The following GNAL variants were observed in gnomAD, a reference collection of about 807,000 sequenced individuals.
The protein encoded by GNAL is G protein subunit alpha L, also known as guanine nucleotide-binding protein G(olf) subunit alpha.
In GNAL, 18 loss-of-function variants were observed where a neutral mutation model predicts 55.1. The observed-to-expected ratio is 0.33, with a 90% CI of 0.23 to 0.48. The LOEUF is 0.48. GNAL is among the 20% of genes least tolerant of loss of function. The probability of loss-of-function intolerance (pLI) is 0.99; values close to 1 mark genes in which losing one functional copy is unlikely to be tolerated. For synonymous variants in GNAL, 253 were observed against 237.0 expected (o/e 1.07, Z -0.62); for missense variants, 412 against 614.1 (o/e 0.67, Z 3.48).
intron 5 of GNAL, chr18:11,857,335 T>C: frequency 4.5e-6 from 1 of 222,892 alleles, no homozygotes; most frequent in Non-Finnish European, 7.6e-6. Context: ...CCAGCAGGGT[T>C]TAATCTCAGG....
intron 1 of GNAL, among the ~76,000 whole-genome samples, chr18:11,697,634 C>T (rs2031452632): frequency 1.3e-5 from 2 of 151,820 alleles, no homozygotes; most frequent in African/African-American, 2.4e-5. Context: ...AAGGGGCAGA[C>T]GTGTCTGTGG....
In GNAL at chr18:11,868,666, G is replaced by A. The variant is rs767237972; in HGVS notation, c.1031+3G>A. 2 of 1,598,452 alleles carry A rather than the reference G, an allele frequency of 1.3e-6. No individual in the cohort carries two copies. The highest frequency in any genetic ancestry group is 1.4e-5 in the African/African-American group (1 of 73,774). ...TTTGAAAGCATCTGGAACAACAGGT[G>A]ACAAAAATAGCAAATTCAGTCTTAC... is the stretch of plus-strand genomic sequence containing the variant. On this transcript the variant is annotated splice_donor_region_variant and intron_variant, in intron 9 of 11. Coordinates refer to ENST00000334049, the MANE Select transcript of GNAL (RefSeq NM_182978.4). This position sits in a 1 kb window ranked among gnomAD's most constrained non-coding sequence, Gnocchi z 4.0.
intron 1 of GNAL, among the ~76,000 whole-genome samples, chr18:11,725,444 T>G (rs1227868335): frequency 6.6e-6 from 1 of 152,200 alleles, no homozygotes; most frequent in Non-Finnish European, 1.5e-5. Flanking sequence ...AGAAAATAAA[T>G]TTCTGTTGTT....
At position 11,752,700 on chromosome 18, in the gene GNAL, C is replaced by G. The variant is rs2032895361; in HGVS notation, c.377-153C>G. The G allele has an allele frequency of 8.2e-7, 1 of 1,225,810 alleles. No homozygotes were observed. Among genetic ancestry groups the G allele is most frequent in the African/African-American group, 1.6e-5 (1 of 64,402 alleles). The allele number at this position is 1,225,810 out of a possible 1,614,324, so 75.9% of individuals were successfully genotyped here. A position where few individuals can be genotyped will look rare whatever the true frequency, so the allele number is the denominator to read the frequency against. ...CGCGCGCACCTCTGGGCCGCGGAGC[C>G]CAGACGGCGGCCGGGGCGAGCTCCT... is the stretch of plus-strand genomic sequence containing the variant. On this transcript the variant is annotated intron_variant, in intron 1 of 11. Transcript: ENST00000334049. This position sits in a 1 kb window ranked among gnomAD's most constrained non-coding sequence, Gnocchi z 4.5.
chr18:11,776,908 G>T (rs1014841675), intron 4 of GNAL, among the ~76,000 whole-genome samples: 1 of 151,934 alleles, frequency 6.6e-6, no homozygotes, highest in Non-Finnish European at 1.5e-5. Flanking sequence ...ATAGTCATTT[G>T]TGCTTTCCAA....
chr18:11,853,646 G>A (rs1362188955), intron 5 of GNAL: 2 of 166,980 alleles, frequency 1.2e-5, no homozygotes, highest in Non-Finnish European at 2.9e-5. Context: ...TAACAGGTGC[G>A]TGCAGATGAG....
intron 4 of GNAL, among the ~76,000 whole-genome samples, chr18:11,772,668 A>ATGG (rs1462081423): frequency 3.3e-5 from 5 of 152,162 alleles, no homozygotes; most frequent in Non-Finnish European, 5.9e-5. Flanking sequence ...AGATGTGCTG[A>ATGG]CCTGGAGGCA....
intron 4 of GNAL, among the ~76,000 whole-genome samples, chr18:11,808,523 T>A (rs1318240050): frequency 6.6e-6 from 1 of 152,214 alleles, no homozygotes; most frequent in Admixed American, 6.5e-5. Flanking sequence ...GTAGAGTTTT[T>A]AATGAAGTTA....
intron 4 of GNAL, among the ~76,000 whole-genome samples, chr18:11,803,612 G>A (rs2034575068): frequency 6.6e-6 from 1 of 152,352 alleles, no homozygotes; most frequent in Non-Finnish European, 1.5e-5. Flanking sequence ...TAGTGGTGAA[G>A]TGCAGGTGCA....
intron 4 of GNAL, among the ~76,000 whole-genome samples, chr18:11,782,774 A>G (rs1350055017): frequency 6.6e-6 from 1 of 152,220 alleles, no homozygotes; most frequent in Non-Finnish European, 1.5e-5. Context: ...CATTAAAAAG[A>G]AAATTCGTTT....
intron 1 of GNAL, chr18:11,747,437 G>C (rs2032712794): frequency 5.9e-6 from 1 of 168,840 alleles, no homozygotes; most frequent in Non-Finnish European, 1.3e-5. Context: ...AAAGAAGTCT[G>C]TTCATGCCCT....
chr18:11,726,925 A>G (rs9961045), intron 1 of GNAL, among the ~76,000 whole-genome samples: 3,276 of 152,238 alleles, frequency 0.022, 61 homozygotes, highest in Middle Eastern at 0.048. Context: ...GGTTGTAAGG[A>G]AAAGTAGTCT....
chr18:11,817,720 C>T (rs1367738566), intron 4 of GNAL, among the ~76,000 whole-genome samples: 1 of 151,640 alleles, frequency 6.6e-6, no homozygotes, highest in Non-Finnish European at 1.5e-5. Flanking sequence ...TCTTGAGTAG[C>T]TGGGATTGCA....
At chr18:11,713,160 G>A (rs1327720164) in intron 1 of GNAL, among the ~76,000 whole-genome samples, 1 of 152,260 alleles carries the variant, frequency 6.6e-6, no homozygotes, top group Non-Finnish European at 1.5e-5. Flanking sequence ...GAAAACAAAT[G>A]AAGGCCACCC....
intron 1 of GNAL, among the ~76,000 whole-genome samples, chr18:11,692,757 A>T (rs1170173875): frequency 6.6e-6 from 1 of 152,058 alleles, no homozygotes; most frequent in African/African-American, 2.4e-5. Context: ...TCTCTACAAA[A>T]AAATACGAAA....
At chr18:11,790,946 C>T (rs1230161364) in intron 4 of GNAL, among the ~76,000 whole-genome samples, 13 of 151,682 alleles carry the variant, frequency 8.6e-5, no homozygotes, top group South Asian at 2.1e-4. Context: ...CGTGAGCCAC[C>T]GCGTCCAGCC....
intron 4 of GNAL, among the ~76,000 whole-genome samples, chr18:11,773,412 G>T (rs961109220): frequency 2.6e-5 from 4 of 152,158 alleles, no homozygotes; most frequent in African/African-American, 9.7e-5. Flanking sequence ...CCCCACGGTA[G>T]GCTTGATATT....
At chr18:11,788,420 A>G (rs960931466) in intron 4 of GNAL, among the ~76,000 whole-genome samples, 8 of 152,186 alleles carry the variant, frequency 5.3e-5, no homozygotes, top group African/African-American at 9.7e-5. Context: ...GTGGTTCCCC[A>G]TGCAGATGGC....
rs141397426 is a variant in GNAL at position 11,799,694 on chromosome 18, T to C, written c.625-25224T>C. On this transcript the variant is annotated intron_variant, in intron 4 of 11. Coordinates refer to ENST00000334049, the MANE Select transcript of GNAL (RefSeq NM_182978.4). ...ACCTACGTATAAAAAAAATCCAATA[T>C]ATGAAATACTTTTGGCCCCAGCCAT... 3.5e-4 allele frequency among the ~76,000 whole-genome samples: 54 copies of C among 152,304 alleles called. No individual in the cohort carries two copies. The East Asian group carries it at 9.8e-3, about 28-fold the overall frequency.
Sources: allele counts gnomAD v4.1 joint callset (sites outside exome capture counted in the v4.1 genomes callset), GRCh38; gene constraint gnomAD v4.1.1; non-coding constraint Gnocchi (gnomAD v3.1); transcripts MANE v1.5; gene names NCBI Gene and HGNC (gene_info 2026-07-23, HGNC 2026-07-21).